The following GUCY1A2 variants were observed in gnomAD, a reference collection of about 807,000 sequenced individuals.
The protein encoded by GUCY1A2 is guanylate cyclase 1 soluble subunit alpha 2.
In GUCY1A2, 27 loss-of-function variants were observed where a neutral mutation model predicts 63.5. That is an observed-to-expected ratio of 0.43 (90% CI 0.31 to 0.59). The LOEUF (loss-of-function observed/expected upper bound fraction) is 0.59. Ranked by LOEUF, GUCY1A2 falls within the 20% of genes least tolerant of loss-of-function variation. The pLI, the probability that GUCY1A2 is intolerant of heterozygous loss-of-function variation, is 0.11. For synonymous variants in GUCY1A2, 364 were observed against 343.5 expected (o/e 1.06, Z -0.66); for missense variants, 768 against 913.3 (o/e 0.84, Z 2.05).
At chr11:106,892,256 A>G (rs182655657) in intron 4 of GUCY1A2, among the ~76,000 whole-genome samples, 6 of 152,234 alleles carry the variant, frequency 3.9e-5, no homozygotes, top group Admixed American at 3.9e-4. Flanking sequence ...ACAGCTGTCT[A>G]TGGTGACACA....
At chr11:106,747,144 T>C (rs1302374095) in intron 6 of GUCY1A2, among the ~76,000 whole-genome samples, 2 of 152,166 alleles carry the variant, frequency 1.3e-5, no homozygotes, top group South Asian at 2.1e-4. Context: ...CCTGCCACCA[T>C]GCTCAGCTAT....
chr11:106,716,744 G>T (rs1196676674), intron 6 of GUCY1A2, among the ~76,000 whole-genome samples: 1 of 135,766 alleles, frequency 7.4e-6, no homozygotes, highest in African/African-American at 2.9e-5. Context: ...ACTCCAGCCT[G>T]GGCGACAGAG....
chr11:107,014,181 C>A (rs994164750), intron 1 of GUCY1A2, among the ~76,000 whole-genome samples: 3 of 148,054 alleles, frequency 2.0e-5, no homozygotes, highest in Non-Finnish European at 4.4e-5. Context: ...CTCTGCCTCC[C>A]GGGTTCAAGC....
chr11:106,908,992 G>T (rs945237695), intron 4 of GUCY1A2, among the ~76,000 whole-genome samples: 1 of 151,864 alleles, frequency 6.6e-6, no homozygotes, highest in Non-Finnish European at 1.5e-5. Context: ...GAAAATTTGG[G>T]CATGGAAACA....
intron 3 of GUCY1A2, among the ~76,000 whole-genome samples, chr11:106,952,376 A>C (rs1860922014): frequency 6.6e-6 from 1 of 152,104 alleles, no homozygotes; most frequent in Non-Finnish European, 1.5e-5. Flanking sequence ...ACGAGGATGG[A>C]ATGTTTTTTC....
chr11:106,938,104 G>A (rs552573749), intron 4 of GUCY1A2, among the ~76,000 whole-genome samples: 29 of 151,786 alleles, frequency 1.9e-4, no homozygotes, highest in Non-Finnish European at 3.7e-4. Flanking sequence ...TGCCCAGCTC[G>A]TTTTTTTGTG....
chr11:106,955,236 T>C (rs946076990), intron 3 of GUCY1A2, among the ~76,000 whole-genome samples: 12 of 152,164 alleles, frequency 7.9e-5, no homozygotes, highest in African/African-American at 2.9e-4. Flanking sequence ...CCTCCCAAAG[T>C]GTTGGGATTA....
At chr11:106,793,567 C>A (rs1864700822) in intron 5 of GUCY1A2, among the ~76,000 whole-genome samples, 1 of 151,946 alleles carries the variant, frequency 6.6e-6, no homozygotes, top group African/African-American at 2.4e-5. Context: ...AAAAGGCAAC[C>A]TACAGAAGGG....
chr11:106,983,635 G>T (rs1861365686), intron 2 of GUCY1A2, among the ~76,000 whole-genome samples: 1 of 152,156 alleles, frequency 6.6e-6, no homozygotes, highest in African/African-American at 2.4e-5. Context: ...GGATAATTAA[G>T]AAATTAAAAA....
intron 5 of GUCY1A2, among the ~76,000 whole-genome samples, chr11:106,778,050 A>G (rs753538618): frequency 3.9e-5 from 6 of 152,206 alleles, no homozygotes; most frequent in Non-Finnish European, 7.3e-5. Context: ...TTTCCAAAGC[A>G]TAGAACATGG....
chr11:106,804,747 C>A (rs1222752345), intron 5 of GUCY1A2, among the ~76,000 whole-genome samples: 1 of 152,164 alleles, frequency 6.6e-6, no homozygotes, highest in African/African-American at 2.4e-5. Context: ...ATTCAGTTCC[C>A]CTTTGACACT....
At chr11:106,740,437 T>C (rs949509994) in intron 6 of GUCY1A2, among the ~76,000 whole-genome samples, 6 of 152,184 alleles carry the variant, frequency 3.9e-5, no homozygotes, top group Non-Finnish European at 5.9e-5. Flanking sequence ...AGAGCAGTGA[T>C]GTGATAAAAT....
At chr11:106,755,597 G>C (rs142068716) in intron 6 of GUCY1A2, among the ~76,000 whole-genome samples, 2 of 151,962 alleles carry the variant, frequency 1.3e-5, no homozygotes, top group South Asian at 2.1e-4. Context: ...CCTTCATTTC[G>C]TTATGTACCC....
chr11:106,681,081 A>G lies in GUCY1A2; in HGVS notation c.*6468T>C. The G allele has an allele frequency of 4.8e-6, 1 of 209,206 alleles. No individual in the cohort carries two copies. Among genetic ancestry groups the G allele is most frequent in the East Asian group, 7.2e-5 (1 of 13,900 alleles). 13.0% of individuals were successfully genotyped at this position (209,206 alleles called of 1,614,324 possible). A position where few individuals can be genotyped will look rare whatever the true frequency, so the allele number is the denominator to read the frequency against. On this transcript the variant is annotated 3_prime_UTR_variant, in exon 8 of 8. Transcript: ENST00000526355. ...TTAAAATTGTATTTTAAGTAGACTA[A>G]AAACATGATTTTTTCATTTCGAAAT...
In GUCY1A2 at chr11:106,708,511, C is replaced by CTGGTAA; in HGVS notation, c.1986_1991dup (p.Tyr663_Gln664insHisTyr). The CTGGTAA allele has an allele frequency of 6.2e-7, 1 of 1,609,080 alleles. No homozygotes were observed. The highest frequency in any genetic ancestry group is 8.5e-7 in the Non-Finnish European group (1 of 1,176,936). On this transcript the variant is annotated inframe_insertion and splice_region_variant. Transcript: ENST00000526355. ...GAAGGAGGAGGCCAGAGAACACTTA[C>CTGGTAA]TGGTAAGTGGTTGGGCTGACATTGA...
chr11:106,867,450 T>C, intron 4 of GUCY1A2, among the ~76,000 whole-genome samples: 1 of 152,066 alleles, frequency 6.6e-6, no homozygotes, highest in Non-Finnish European at 1.5e-5. Context: ...AATTATTTTC[T>C]AGTTGAGACT....
intron 6 of GUCY1A2, among the ~76,000 whole-genome samples, chr11:106,714,816 G>A (rs376842988): frequency 7.6e-4 from 116 of 152,190 alleles, no homozygotes; most frequent in Middle Eastern, 3.4e-3. Context: ...CCCAGCCCTG[G>A]AAAAGAATTT....
At chr11:106,862,833 C>T (rs1416495443) in intron 4 of GUCY1A2, among the ~76,000 whole-genome samples, 1 of 152,038 alleles carries the variant, frequency 6.6e-6, no homozygotes, top group Non-Finnish European at 1.5e-5. Flanking sequence ...GGACAAAAAT[C>T]CTGGGAAGTG....
chr11:107,017,710 T>A (rs768913631), intron 1 of GUCY1A2, 43 bp downstream of exon 1: 1 of 1,196,816 alleles, frequency 8.4e-7, no homozygotes, highest in East Asian at 3.2e-5. Context: ...CAGATCCGCG[T>A]TCTCTCCCCC....
Sources: allele counts gnomAD v4.1 joint callset (sites outside exome capture counted in the v4.1 genomes callset), GRCh38; gene constraint gnomAD v4.1.1; transcripts MANE v1.5; gene names NCBI Gene and HGNC (gene_info 2026-07-23, HGNC 2026-07-21).